SPMIP3: variants seen among roughly 807,000 people sequenced by gnomAD.
The protein encoded by SPMIP3 is protein SPMIP3.
chr1:244,361,421 G>C, the SPMIP3 span, among the ~76,000 whole-genome samples: 3 of 151,816 alleles, frequency 2.0e-5, no homozygotes, highest in African/African-American at 7.3e-5. Context: ...TAAAGACGGG[G>C]TTTCATCATG....
the SPMIP3 span, among the ~76,000 whole-genome samples, chr1:244,363,969 A>G: frequency 9.6e-3 from 1,338 of 139,114 alleles, 20 homozygotes; most frequent in African/African-American, 0.031. Context: ...CTTAGCTTGC[A>G]AGCTTGTGAG....
the SPMIP3 span, among the ~76,000 whole-genome samples, chr1:244,382,375 G>A: frequency 0.069 from 10,476 of 152,068 alleles, 404 homozygotes; most frequent in African/African-American, 0.1. Context: ...TCATATAAAG[G>A]GCATTTCAGG....
the SPMIP3 span, chr1:244,378,618 T>C: frequency 1.2e-6 from 2 of 1,613,548 alleles, no homozygotes; most frequent in Non-Finnish European, 1.7e-6. Flanking sequence ...ACGAGACTAT[T>C]CTCTGCCATT....
chr1:244,379,060 C>G, the SPMIP3 span, among the ~76,000 whole-genome samples: 5 of 152,082 alleles, frequency 3.3e-5, no homozygotes, highest in African/African-American at 1.2e-4. Context: ...TCCTGAGTAG[C>G]TGGGACTACA....
At chr1:244,361,914 GTCACGAAGC>G in the SPMIP3 span, among the ~76,000 whole-genome samples, 2 of 152,296 alleles carry the variant, frequency 1.3e-5, no homozygotes, top group Non-Finnish European at 2.9e-5. Flanking sequence ...GTAAACTCCA[GTCACGAAGC>G]TTTCGGAGTT....
the SPMIP3 span, among the ~76,000 whole-genome samples, chr1:244,355,384 T>TATTG: frequency 8.0e-4 from 121 of 152,136 alleles, no homozygotes; most frequent in Middle Eastern, 3.4e-3. Context: ...TTATTCTTTT[T>TATTG]ATTGATTGAT....
At chr1:244,385,056 C>T in the SPMIP3 span, among the ~76,000 whole-genome samples, 1 of 152,056 alleles carries the variant, frequency 6.6e-6, no homozygotes, top group African/African-American at 2.4e-5. Context: ...CACCCACCAC[C>T]ACGCCTGGCT....
chr1:244,369,857 G>T, the SPMIP3 span, among the ~76,000 whole-genome samples: 1 of 151,314 alleles, frequency 6.6e-6, no homozygotes, highest in Non-Finnish European at 1.5e-5. Flanking sequence ...CTGCCTAGCC[G>T]GGTCACGTTC....
the SPMIP3 span, among the ~76,000 whole-genome samples, chr1:244,360,557 CATGCAT>C: frequency 0.41 from 23,198 of 55,928 alleles, 2,744 homozygotes; most frequent in Middle Eastern, 0.49. Context: ...CACACACACA[CATGCAT>C]GCATGGAATA....
At chr1:244,374,571 G>A in the SPMIP3 span, among the ~76,000 whole-genome samples, 10 of 148,326 alleles carry the variant, frequency 6.7e-5, no homozygotes, top group African/African-American at 1.5e-4. Context: ...CTCCGTTTAC[G>A]GATTCCCACA....
the SPMIP3 span, among the ~76,000 whole-genome samples, chr1:244,357,569 C>G: frequency 1.3e-5 from 2 of 151,526 alleles, no homozygotes; most frequent in Non-Finnish European, 2.9e-5. Context: ...ATTAGGCGAG[C>G]GTGGTAGAGC....
the SPMIP3 span, chr1:244,378,562 G>A: frequency 1.2e-6 from 2 of 1,613,988 alleles, no homozygotes; most frequent in South Asian, 2.2e-5. Context: ...TGTCTTCGAA[G>A]ACATTCAAAG....
chr1:244,377,468 T>C, the SPMIP3 span, among the ~76,000 whole-genome samples: 1 of 152,216 alleles, frequency 6.6e-6, no homozygotes, highest in South Asian at 2.1e-4. Context: ...TATTTCTGCG[T>C]CATTGTCTAA....
At chr1:244,369,197 G>A in the SPMIP3 span, among the ~76,000 whole-genome samples, 1 of 152,158 alleles carries the variant, frequency 6.6e-6, no homozygotes, top group Admixed American at 6.5e-5. Context: ...GTTTACTGGT[G>A]CCATCCCCTG....
the SPMIP3 span, among the ~76,000 whole-genome samples, chr1:244,360,979 A>G: frequency 1.8e-3 from 269 of 152,240 alleles, no homozygotes; most frequent in Non-Finnish European, 2.9e-3. Context: ...ACAGAAAGAC[A>G]AATATTGCTT....
chr1:244,388,861 G>A, the SPMIP3 span: 1 of 967,494 alleles, frequency 1.0e-6, no homozygotes, highest in South Asian at 1.5e-5. Context: ...AAGTTATTTT[G>A]TTACTGTGCA....
At chr1:244,385,816 C>G in the SPMIP3 span, among the ~76,000 whole-genome samples, 1 of 152,008 alleles carries the variant, frequency 6.6e-6, no homozygotes, top group Non-Finnish European at 1.5e-5. Flanking sequence ...AGATTAATTT[C>G]TAAAATCGGT....
chr1:244,375,519 G>T, the SPMIP3 span: 1 of 1,464,612 alleles, frequency 6.8e-7, no homozygotes. Flanking sequence ...AAGCTACAAT[G>T]ATAAAAAGGG....
the SPMIP3 span, chr1:244,378,675 T>C: frequency 6.3e-7 from 1 of 1,582,658 alleles, no homozygotes; most frequent in East Asian, 2.2e-5. Context: ...TCTCTGAGAT[T>C]AACCTTGCCT....
Sources: allele counts gnomAD v4.1 joint callset (sites outside exome capture counted in the v4.1 genomes callset), GRCh38; gene constraint gnomAD v4.1.1; transcripts MANE v1.5; gene names NCBI Gene and HGNC (gene_info 2026-07-23, HGNC 2026-07-21).